The following VAV3 variants were observed in gnomAD, a reference collection of about 807,000 sequenced individuals.
VAV3 encodes the protein guanine nucleotide exchange factor VAV3.
In VAV3, 94 loss-of-function variants were observed where a neutral mutation model predicts 131.2. The observed-to-expected ratio is 0.72, with a 90% confidence interval of 0.61 to 0.85. The LOEUF (loss-of-function observed/expected upper bound fraction) is 0.85, where lower values mean the gene tolerates loss of function less well. Ranked by LOEUF, VAV3 falls within the 40% of genes least tolerant of loss-of-function variation. VAV3 has a pLI of 0.00. For synonymous variants in VAV3, 349 were observed against 342.0 expected (o/e 1.02, Z -0.22); for missense variants, 939 against 1,002.7 (o/e 0.94, Z 0.86).
intron 22 of VAV3, among the ~76,000 whole-genome samples, chr1:107,608,702 T>C (rs551449730): frequency 2.0e-5 from 3 of 152,296 alleles, no homozygotes; most frequent in Non-Finnish European, 4.4e-5. Context: ...TCCCATACAT[T>C]GCACAGTGGA....
At chr1:107,838,019 A>G (rs565311979) in intron 2 of VAV3, among the ~76,000 whole-genome samples, 1 of 152,356 alleles carries the variant, frequency 6.6e-6, no homozygotes, top group African/African-American at 2.4e-5. Flanking sequence ...AATTGTGACA[A>G]AAACAGAAAT....
Position 107,964,853 on chromosome 1 carries a change from T to A in VAV3, c.17A>T (p.Gln6Leu). ...GCAATGGATGAGCCACTGCGCGCAC[T>A]GCTTCCACGGCTCCATGCCCGACGG... The part of the protein sequence containing the change: MEPWK[Q>L]CAQWLIHCKV... The change falls in exon 1 of 27, where the codon CAG becomes CTG. Residue 6 changes from glutamine (Q) to leucine (L), a missense_variant. Coordinates refer to ENST00000370056, the MANE Select transcript of VAV3 (RefSeq NM_006113.5). The A allele has an allele frequency of 6.2e-7, 1 of 1,606,272 alleles. No individual in the cohort carries two copies. Among genetic ancestry groups the A allele is most frequent in the Middle Eastern group, 1.7e-4 (1 of 6,000 alleles).
rs146939114 is a variant in VAV3 at position 107,663,087 on chromosome 1, C to T, written c.1778-20332G>A. Among the ~76,000 whole-genome samples, 162 of 152,104 alleles carry T rather than the reference C, an allele frequency of 1.1e-3. 1 individual carries two copies. Among genetic ancestry groups the T allele is most frequent in the African/African-American group, 3.8e-3 (158 of 41,512 alleles). On this transcript the variant is annotated intron_variant, in intron 19 of 26. Coordinates refer to ENST00000370056, the MANE Select transcript of VAV3 (RefSeq NM_006113.5). ...CGGTAAATCCACATTCTTGTATAAA[C>T]CAAAAAACGTATTTAAGACTGGAAT...
intron 20 of VAV3, among the ~76,000 whole-genome samples, chr1:107,637,428 G>A (rs934497399): frequency 1.3e-5 from 2 of 152,100 alleles, no homozygotes; most frequent in Non-Finnish European, 2.9e-5. Context: ...TTTGAGACCA[G>A]CCTGGGCAAC....
rs773298263 is a variant in VAV3, at chr1:107,770,663, A to G, written c.621T>C (p.Tyr207=). 2.5e-6 allele frequency: 4 copies of G among 1,612,054 alleles called. No individual in the cohort carries two copies. Among genetic ancestry groups the G allele is most frequent in the East Asian group, 2.2e-5 (1 of 44,708 alleles). Residue 207 remains tyrosine, a synonymous_variant, in exon 6 of 27, where the codon TAT becomes TAC. Transcript: ENST00000370056. ...TTTCTATTGACTCCAAAGTTTCTGTATATTTTTCTTCTGTCTGCTTAATTT... is the reference window on the plus strand; with the variant it reads ...TTTCTATTGACTCCAAAGTTTCTGTGTATTTTTCTTCTGTCTGCTTAATTT... The part of the protein sequence containing the change: ...LAEIKQTEEK[Y]TETLESIEKY...
At chr1:107,681,952 A>G (rs142356795) in intron 19 of VAV3, among the ~76,000 whole-genome samples, 1,705 of 152,172 alleles carry the variant, frequency 0.011, 23 homozygotes, top group African/African-American at 0.034. Flanking sequence ...GAGCCACTGC[A>G]CCCAGCCACG....
intron 1 of VAV3, among the ~76,000 whole-genome samples, chr1:107,930,679 G>T (rs1673389853): frequency 6.6e-6 from 1 of 152,066 alleles, no homozygotes; most frequent in Non-Finnish European, 1.5e-5. Flanking sequence ...TTTAGGCAAA[G>T]ATTAATAATA....
intron 2 of VAV3, among the ~76,000 whole-genome samples, chr1:107,811,845 G>T (rs78484451): frequency 0.15 from 22,929 of 152,020 alleles, 1,980 homozygotes; most frequent in East Asian, 0.29. Context: ...AACTATCTTT[G>T]GACTTCTAGT....
intron 15 of VAV3, among the ~76,000 whole-genome samples, chr1:107,719,787 C>A (rs558958231): frequency 6.6e-6 from 1 of 152,242 alleles, no homozygotes; most frequent in South Asian, 2.1e-4. Flanking sequence ...CTATTCACAA[C>A]AGCAAAGACT....
At chr1:107,742,329 C>T (rs769212851) in intron 15 of VAV3, among the ~76,000 whole-genome samples, 4 of 152,154 alleles carry the variant, frequency 2.6e-5, no homozygotes, top group East Asian at 1.9e-4. Context: ...TGAAAGATCA[C>T]GCATGTGAAC....
At chr1:107,854,449 A>C (rs1232337588) in intron 2 of VAV3, among the ~76,000 whole-genome samples, 4 of 152,222 alleles carry the variant, frequency 2.6e-5, no homozygotes, top group Non-Finnish European at 4.4e-5. Context: ...GGCTTCAACA[A>C]AAAACAATTC....
chr1:107,754,027 T>A (rs2102086835), intron 12 of VAV3, among the ~76,000 whole-genome samples: 1 of 152,320 alleles, frequency 6.6e-6, no homozygotes, highest in East Asian at 1.9e-4. Context: ...TTCTAGGCTC[T>A]GAGATTACAA....
chr1:107,854,984 A>C (rs909265974), intron 2 of VAV3, among the ~76,000 whole-genome samples: 1 of 152,202 alleles, frequency 6.6e-6, no homozygotes, highest in African/African-American at 2.4e-5. Context: ...CCATCTTCTA[A>C]AGCCAAAACC....
intron 19 of VAV3, among the ~76,000 whole-genome samples, chr1:107,643,986 T>A (rs1184405979): frequency 6.6e-6 from 1 of 152,118 alleles, no homozygotes; most frequent in Non-Finnish European, 1.5e-5. Context: ...CCTTTGCTTC[T>A]GTTCTTGTGC....
intron 15 of VAV3, among the ~76,000 whole-genome samples, chr1:107,724,989 C>T (rs1478582904): frequency 6.6e-6 from 1 of 152,176 alleles, no homozygotes; most frequent in Non-Finnish European, 1.5e-5. Context: ...GAAACTCTAG[C>T]AGCCATGCTG....
intron 15 of VAV3, among the ~76,000 whole-genome samples, chr1:107,715,985 A>G (rs1274098966): frequency 3.3e-5 from 5 of 152,240 alleles, no homozygotes; most frequent in Admixed American, 3.3e-4. Flanking sequence ...TTACAAGGTA[A>G]TATTAGGGAA....
At chr1:107,780,559 A>G (rs1665631866) in intron 2 of VAV3, among the ~76,000 whole-genome samples, 1 of 152,150 alleles carries the variant, frequency 6.6e-6, no homozygotes, top group Admixed American at 6.5e-5. Flanking sequence ...TCTGTTGTGC[A>G]GGCTGGAGTA....
At chr1:107,742,649 C>T (rs188252973) in intron 15 of VAV3, among the ~76,000 whole-genome samples, 42 of 152,290 alleles carry the variant, frequency 2.8e-4, no homozygotes, top group African/African-American at 9.9e-4. Context: ...ATTCCCAGAT[C>T]CACGAGGCTT....
chr1:107,822,700 T>C (rs1667851595), intron 2 of VAV3, among the ~76,000 whole-genome samples: 2 of 151,530 alleles, frequency 1.3e-5, no homozygotes, highest in Admixed American at 6.6e-5. Flanking sequence ...AATAAAAAAA[T>C]AATTAAATGA....
Sources: allele counts gnomAD v4.1 joint callset (sites outside exome capture counted in the v4.1 genomes callset), GRCh38; gene constraint gnomAD v4.1.1; transcripts MANE v1.5; gene names NCBI Gene and HGNC (gene_info 2026-07-23, HGNC 2026-07-21).